The following KIAA0319L variants were observed in gnomAD, a reference collection of about 807,000 sequenced individuals.
The protein encoded by KIAA0319L is KIAA0319 like.
KIAA0319L carries 55 observed loss-of-function variants against 120.1 expected under a neutral mutation model. The ratio of observed to expected loss-of-function variants is 0.46; its 90% CI spans 0.37 to 0.57. KIAA0319L has a LOEUF of 0.57. KIAA0319L is among the 20% of genes least tolerant of loss of function. KIAA0319L has a pLI of 0.00. For missense variants in KIAA0319L, 1,049 were observed against 1,255.3 expected, an observed-to-expected ratio of 0.84 and a Z score of 2.48; for synonymous variants, 398 against 471.9, an observed-to-expected ratio of 0.84 and a Z score of 2.03.
chr1:35,462,128 A>T (rs1642940779), intron 8 of KIAA0319L, among the ~76,000 whole-genome samples: 1 of 152,342 alleles, frequency 6.6e-6, no homozygotes, highest in Non-Finnish European at 1.5e-5. Context: ...TCTGAAGAGT[A>T]AAATGTTAAG....
At chr1:35,498,392 G>A (rs1644889836) in intron 3 of KIAA0319L, among the ~76,000 whole-genome samples, 1 of 151,274 alleles carries the variant, frequency 6.6e-6, no homozygotes, top group Non-Finnish European at 1.5e-5. Flanking sequence ...GGATAATAAA[G>A]GGTTGGATGG....
chr1:35,470,235 G>A (rs187992982), intron 6 of KIAA0319L, among the ~76,000 whole-genome samples: 141 of 152,154 alleles, frequency 9.3e-4, no homozygotes, highest in African/African-American at 2.8e-3. Context: ...GCTCACACCT[G>A]TAATCCCAGC....
intron 10 of KIAA0319L, chr1:35,454,723 G>GC (rs1642319148): frequency 2.0e-6 from 2 of 978,998 alleles, no homozygotes; most frequent in African/African-American, 3.3e-5. Context: ...TTCAAATAAA[G>GC]CCAGAACTCT....
chr1:35,474,741 C>T (rs915732825), intron 5 of KIAA0319L, 64 bp downstream of exon 5: 23 of 948,670 alleles, frequency 2.4e-5, no homozygotes, highest in Non-Finnish European at 3.4e-5. Context: ...GCCTGGACAA[C>T]ACAGCAAGAC....
At chr1:35,481,373 T>C (rs1191815504) in intron 3 of KIAA0319L, among the ~76,000 whole-genome samples, 1 of 152,164 alleles carries the variant, frequency 6.6e-6, no homozygotes, top group Non-Finnish European at 1.5e-5. Context: ...TTACCCAAAG[T>C]GGCTGTACAT....
chr1:35,471,535 T>G (rs771486176), intron 5 of KIAA0319L, among the ~76,000 whole-genome samples: 9 of 152,128 alleles, frequency 5.9e-5, no homozygotes, highest in Non-Finnish European at 1.3e-4. Context: ...GTGAAATTAA[T>G]TAAAATCAAA....
At chr1:35,448,363 A>G (rs144074301) in intron 15 of KIAA0319L, 31 bp from the exon 16 acceptor site, 2 of 1,601,188 alleles carry the variant, frequency 1.2e-6, no homozygotes, top group African/African-American at 2.7e-5. Flanking sequence ...TCATGGCTTT[A>G]GAAGTAGGAG....
chr1:35,441,643 G>T (rs1369846916), intron 19 of KIAA0319L, among the ~76,000 whole-genome samples: 1 of 152,044 alleles, frequency 6.6e-6, no homozygotes, highest in Non-Finnish European at 1.5e-5. Context: ...AATGGGAAAA[G>T]GTTATGTGTC....
intron 3 of KIAA0319L, among the ~76,000 whole-genome samples, chr1:35,492,653 A>G (rs1644642040): frequency 6.6e-6 from 1 of 152,200 alleles, no homozygotes; most frequent in Admixed American, 6.5e-5. Flanking sequence ...AAAAAAAATC[A>G]TCTCAATAGA....
At chr1:35,541,084 G>A (rs952437606) in intron 2 of KIAA0319L, among the ~76,000 whole-genome samples, 2 of 151,962 alleles carry the variant, frequency 1.3e-5, no homozygotes, top group Non-Finnish European at 2.9e-5. Flanking sequence ...TGGGACCACA[G>A]ATGCACACTA....
At chr1:35,504,449 G>T (rs971083177) in intron 3 of KIAA0319L, among the ~76,000 whole-genome samples, 1 of 152,136 alleles carries the variant, frequency 6.6e-6, no homozygotes. Flanking sequence ...GCCCGCCTTG[G>T]CCTCCCAAAG....
rs71062878 is a variant in KIAA0319L, at chr1:35,479,947, CAAAAAAA to C, written c.667-742_667-736del. Among the ~76,000 whole-genome samples, 11 of 32,314 alleles carry C rather than the reference CAAAAAAA, an allele frequency of 3.4e-4. No homozygotes were observed. The East Asian group carries it at 4.0e-3, about 12-fold the overall frequency. 21.2% of individuals were successfully genotyped at this position (32,314 alleles called of 152,430 possible). A position where few individuals can be genotyped will look rare whatever the true frequency, so the allele number is the denominator to read the frequency against. Reference sequence around the variant, plus strand: ...AAATATACCAATGTTTATGATGAGCCAAAAAAAAAAAAAAAAAAAAAAAAACACAAGC... The same window carrying C: ...AAATATACCAATGTTTATGATGAGCCAAAAAAAAAAAAAAAAAACACAAGC... On this transcript the variant is annotated intron_variant, in intron 3 of 20. Coordinates refer to ENST00000325722, the MANE Select transcript of KIAA0319L (RefSeq NM_024874.5).
At chr1:35,450,201 T>G (rs1319275042) in intron 14 of KIAA0319L, among the ~76,000 whole-genome samples, 157 bp downstream of exon 14, 3 of 152,188 alleles carry the variant, frequency 2.0e-5, no homozygotes, top group African/African-American at 4.8e-5. Flanking sequence ...CTATACTAGC[T>G]TACAGAATGA....
intron 3 of KIAA0319L, among the ~76,000 whole-genome samples, chr1:35,503,887 C>CT (rs1175289801): frequency 0.031 from 4,336 of 138,602 alleles, 190 homozygotes; most frequent in African/African-American, 0.098. Flanking sequence ...TTGTGATTTT[C>CT]TTTTTTTTTT....
At chr1:35,451,477 T>A in intron 13 of KIAA0319L, 151 bp downstream of exon 13, 1 of 696,292 alleles carries the variant, frequency 1.4e-6, no homozygotes, top group South Asian at 2.1e-5. Flanking sequence ...AAAGGCTGTT[T>A]TAGAAAAGAA....
chr1:35,460,665 G>T (rs189130094), intron 8 of KIAA0319L, among the ~76,000 whole-genome samples: 13 of 152,040 alleles, frequency 8.6e-5, no homozygotes, highest in Admixed American at 1.3e-4. Flanking sequence ...GGCAACCTCT[G>T]GTTAAAATAC....
intron 20 of KIAA0319L, chr1:35,435,430 T>A (rs928741189): frequency 5.1e-6 from 1 of 197,360 alleles, no homozygotes; most frequent in Non-Finnish European, 1.0e-5. Flanking sequence ...ATGGGTGGAA[T>A]GACATGGTAG....
chr1:35,460,560 A>G, intron 8 of KIAA0319L, 123 bp from the exon 9 acceptor site: 1 of 804,466 alleles, frequency 1.2e-6, no homozygotes, highest in South Asian at 1.8e-5. Flanking sequence ...GAAATTACAG[A>G]CTATCTCTCC....
At chr1:35,448,419 GA>G in intron 15 of KIAA0319L, 87 bp from the exon 16 acceptor site, 1 of 1,222,348 alleles carries the variant, frequency 8.2e-7, no homozygotes, top group African/African-American at 1.5e-5. Context: ...GCACAGGAGA[GA>G]AAGGAGTGAG....
Sources: allele counts gnomAD v4.1 joint callset (sites outside exome capture counted in the v4.1 genomes callset), GRCh38; gene constraint gnomAD v4.1.1; transcripts MANE v1.5; gene names NCBI Gene and HGNC (gene_info 2026-07-23, HGNC 2026-07-21).